The following SNTG1 variants were observed in gnomAD, a reference collection of about 807,000 sequenced individuals.
The protein encoded by SNTG1 is gamma-1-syntrophin.
SNTG1 carries 39 observed loss-of-function variants against 74.7 expected under a neutral mutation model. That is an observed-to-expected ratio of 0.52 (90% CI 0.40 to 0.68). SNTG1 has a LOEUF of 0.68. SNTG1 is among the 30% of genes least tolerant of loss of function. The probability of loss-of-function intolerance (pLI) is 0.00; values close to 1 mark genes in which losing one functional copy is unlikely to be tolerated. For synonymous variants in SNTG1, 254 were observed against 217.1 expected (o/e 1.17, Z -1.49); for missense variants, 685 against 609.5 (o/e 1.12, Z -1.30).
At chr8:50,371,169 C>A (rs1389657063) in intron 2 of SNTG1, among the ~76,000 whole-genome samples, 1 of 152,180 alleles carries the variant, frequency 6.6e-6, no homozygotes, top group East Asian at 1.9e-4. Context: ...TATTGGCCTA[C>A]TACTGGATCT....
intron 1 of SNTG1, among the ~76,000 whole-genome samples, chr8:50,050,285 G>A (rs1287221292): frequency 6.6e-6 from 1 of 151,776 alleles, no homozygotes. Context: ...TTGATCTCAT[G>A]GACATTCATA....
At chr8:49,928,808 T>G (rs1287478917) in intron 1 of SNTG1, among the ~76,000 whole-genome samples, 2 of 152,052 alleles carry the variant, frequency 1.3e-5, no homozygotes, top group Non-Finnish European at 2.9e-5. Flanking sequence ...AACAAAAAAG[T>G]AATAAAATGT....
At chr8:50,006,744 A>G (rs1395185925) in intron 1 of SNTG1, among the ~76,000 whole-genome samples, 1 of 152,154 alleles carries the variant, frequency 6.6e-6, no homozygotes, top group African/African-American at 2.4e-5. Flanking sequence ...GAAACTATGC[A>G]GGCCAGGTTG....
intron 15 of SNTG1, among the ~76,000 whole-genome samples, chr8:50,688,200 C>G (rs62516847): frequency 0.016 from 2,461 of 152,110 alleles, 40 homozygotes; most frequent in Non-Finnish European, 0.021. Flanking sequence ...CTCCCATTCT[C>G]TAGGTTGCCT....
chr8:50,189,317 G>A (rs1168359660), intron 2 of SNTG1, among the ~76,000 whole-genome samples: 1 of 151,972 alleles, frequency 6.6e-6, no homozygotes, highest in African/African-American at 2.4e-5. Flanking sequence ...TAAAGCAGTG[G>A]TTCTCAAAAG....
At chr8:49,972,986 C>G (rs1413877361) in intron 1 of SNTG1, among the ~76,000 whole-genome samples, 1 of 152,112 alleles carries the variant, frequency 6.6e-6, no homozygotes, top group Non-Finnish European at 1.5e-5. Flanking sequence ...ACTAGAAATG[C>G]CATTTGACCC....
intron 2 of SNTG1, among the ~76,000 whole-genome samples, chr8:50,350,524 A>G (rs903251760): frequency 4.6e-5 from 7 of 151,382 alleles, no homozygotes; most frequent in African/African-American, 1.7e-4. Flanking sequence ...GAATGCACCA[A>G]TCCACACTCT....
intron 17 of SNTG1, among the ~76,000 whole-genome samples, chr8:50,719,354 T>G (rs1320439844): frequency 6.6e-6 from 1 of 152,136 alleles, no homozygotes; most frequent in Non-Finnish European, 1.5e-5. Flanking sequence ...CCCTTCCTCC[T>G]TCTGCCACGG....
chr8:49,964,119 C>G (rs1356665443), intron 1 of SNTG1, among the ~76,000 whole-genome samples: 1 of 152,156 alleles, frequency 6.6e-6, no homozygotes, highest in East Asian at 1.9e-4. Context: ...TTTGGTTAAA[C>G]ATTATTCTAG....
At chr8:50,226,026 A>T (rs2085311350) in intron 2 of SNTG1, among the ~76,000 whole-genome samples, 1 of 152,240 alleles carries the variant, frequency 6.6e-6, no homozygotes. Flanking sequence ...CTTTATATTG[A>T]CAACAAAATG....
At chr8:50,570,373 C>T (rs568753371) in intron 12 of SNTG1, among the ~76,000 whole-genome samples, 272 of 148,022 alleles carry the variant, frequency 1.8e-3, no homozygotes, top group Non-Finnish European at 3.0e-3. Context: ...ATTCTCCTGT[C>T]TCAGCCTGCG....
chr8:50,153,816 T>TG, intron 1 of SNTG1, among the ~76,000 whole-genome samples: 1 of 152,224 alleles, frequency 6.6e-6, no homozygotes, highest in East Asian at 1.9e-4. Flanking sequence ...TGCCCCCTAC[T>TG]GGGGGGTGCC....
intron 1 of SNTG1, among the ~76,000 whole-genome samples, chr8:50,139,719 A>G (rs748163367): frequency 1.3e-5 from 2 of 152,180 alleles, no homozygotes; most frequent in Non-Finnish European, 2.9e-5. Flanking sequence ...ATCTTAATGC[A>G]CTCCACGGTT....
chr8:50,136,843 G>T (rs185301283), intron 1 of SNTG1, among the ~76,000 whole-genome samples: 2 of 152,166 alleles, frequency 1.3e-5, no homozygotes, highest in African/African-American at 2.4e-5. Context: ...CAGGGGTCAG[G>T]GTTGGGACCC....
At chr8:50,680,510 T>C (rs971521597) in intron 15 of SNTG1, among the ~76,000 whole-genome samples, 2 of 152,156 alleles carry the variant, frequency 1.3e-5, no homozygotes, top group Non-Finnish European at 2.9e-5. Flanking sequence ...TTGTTCTTAG[T>C]AGGCATCATT....
intron 2 of SNTG1, among the ~76,000 whole-genome samples, chr8:50,179,147 C>T (rs781324572): frequency 2.0e-5 from 3 of 152,122 alleles, no homozygotes. Flanking sequence ...GGGCTCTCTA[C>T]TCTGTTCCAT....
At chr8:50,496,130 T>G (rs1268751796) in intron 8 of SNTG1, among the ~76,000 whole-genome samples, 2 of 152,212 alleles carry the variant, frequency 1.3e-5, no homozygotes, top group African/African-American at 4.8e-5. Flanking sequence ...AAAGTCATGT[T>G]TAAGATCCTT....
intron 1 of SNTG1, among the ~76,000 whole-genome samples, chr8:49,981,177 T>C (rs1296119041): frequency 6.6e-6 from 1 of 151,986 alleles, no homozygotes; most frequent in African/African-American, 2.4e-5. Flanking sequence ...AGGGGAAGTA[T>C]CACAGAACAG....
intron 8 of SNTG1, among the ~76,000 whole-genome samples, chr8:50,492,236 T>C (rs1426667815): frequency 1.3e-5 from 2 of 152,206 alleles, no homozygotes; most frequent in Non-Finnish European, 2.9e-5. Context: ...TTTATAGTCC[T>C]TTGGGTATAT....
Sources: gnomAD v4.1 joint callset for allele counts (sites outside exome capture counted in the v4.1 genomes callset) on GRCh38, gnomAD v4.1.1 for gene constraint, MANE v1.5 for transcripts, NCBI Gene and HGNC (gene_info 2026-07-23, HGNC 2026-07-21) for gene names.